Variants in PDE8B observed in about 807,000 individuals in gnomAD.
The protein encoded by PDE8B is phosphodiesterase 8B, also known as high affinity cAMP-specific and IBMX-insensitive 3',5'-cyclic phosphodiesterase 8B.
Under a neutral mutation model 101.3 loss-of-function variants are expected in PDE8B, and 26 were observed. That is an observed-to-expected ratio of 0.26 (90% CI 0.19 to 0.36). The LOEUF (loss-of-function observed/expected upper bound fraction) is 0.36. PDE8B is among the 10% of genes least tolerant of loss of function. PDE8B has a pLI of 1.00. For missense variants in PDE8B, 810 were observed against 1,163.1 expected (o/e 0.70, Z 4.42); for synonymous variants, 424 against 429.3 (o/e 0.99, Z 0.15).
chr5:77,307,847 G>C (rs964617956), intron 1 of PDE8B, among the ~76,000 whole-genome samples: 1 of 152,084 alleles, frequency 6.6e-6, no homozygotes, highest in Admixed American at 6.5e-5. Context: ...TTGGAATTAT[G>C]TTACCTATGC....
the PDE8B span, among the ~76,000 whole-genome samples, chr5:77,143,288 G>A: frequency 6.6e-6 from 1 of 152,152 alleles, no homozygotes; most frequent in Admixed American, 6.5e-5. Context: ...ACTGGCTCTT[G>A]TTTGCTAGGC....
the PDE8B span, among the ~76,000 whole-genome samples, chr5:77,178,849 G>T: frequency 1.3e-5 from 2 of 152,140 alleles, no homozygotes; most frequent in Non-Finnish European, 2.9e-5. Flanking sequence ...TTGTTGGACC[G>T]AGGGCCCTTG....
At chr5:77,366,477 C>G (rs143499645) in intron 10 of PDE8B, among the ~76,000 whole-genome samples, 1 of 152,162 alleles carries the variant, frequency 6.6e-6, no homozygotes, top group African/African-American at 2.4e-5. Flanking sequence ...GCCCTGGGGT[C>G]GGTCAGCTGT....
chr5:77,128,299 A>G, the PDE8B span, among the ~76,000 whole-genome samples: 5 of 152,212 alleles, frequency 3.3e-5, no homozygotes, highest in Admixed American at 2.6e-4. Context: ...CTTCTCTTAC[A>G]GTGACCGTCC....
intron 2 of PDE8B, among the ~76,000 whole-genome samples, chr5:77,315,049 T>A (rs1773508488): frequency 6.6e-6 from 1 of 152,172 alleles, no homozygotes; most frequent in South Asian, 2.1e-4. Flanking sequence ...TTGAGTTGTA[T>A]GAGTTCTTTA....
rs112882443 is a variant in PDE8B at position 77,252,997 on chromosome 5, A to G, written c.339+41733A>G. Among the ~76,000 whole-genome samples, 1,045 of 152,282 alleles carry G rather than the reference A, an allele frequency of 6.9e-3. 4 individuals are homozygous for G. Among genetic ancestry groups the G allele is most frequent in the Non-Finnish European group, 0.011 (721 of 68,016 alleles). On this transcript the variant is annotated intron_variant, in intron 1 of 21. Coordinates refer to ENST00000264917, the MANE Select transcript of PDE8B (RefSeq NM_003719.5). ...ATTGTACTTTCAGAGGGCAAATATC[A>G]TTTAAGTGATAGAACTGATTTTTCC...
chr5:77,341,249 A>G (rs901842028), intron 6 of PDE8B, among the ~76,000 whole-genome samples: 2 of 152,074 alleles, frequency 1.3e-5, no homozygotes, highest in African/African-American at 2.4e-5. Flanking sequence ...GTGGTCTGGT[A>G]GTGTTTGTTG....
At chr5:77,339,423 A>G (rs1778799360) in intron 6 of PDE8B, among the ~76,000 whole-genome samples, 1 of 152,150 alleles carries the variant, frequency 6.6e-6, no homozygotes, top group Non-Finnish European at 1.5e-5. Flanking sequence ...CCTCAACCTT[A>G]TTCAAGTTAT....
At chr5:77,312,112 T>C (rs1772797638) in intron 2 of PDE8B, 59 bp downstream of exon 2, 10 of 1,331,564 alleles carry the variant, frequency 7.5e-6, no homozygotes, top group Non-Finnish European at 1.1e-5. Context: ...TTTCTTTTTT[T>C]TTTTTTTTTG....
chr5:77,357,610 C>T lies in PDE8B; in HGVS notation c.1167+4204C>T, dbSNP rs143974874. Among the ~76,000 whole-genome samples the T allele has an allele frequency of 1.3e-3, 198 of 152,240 alleles. 1 individual carries two copies. Among genetic ancestry groups the T allele is most frequent in the African/African-American group, 4.5e-3 (187 of 41,532 alleles). ...TCATGGGCCTTGTCTGAGATGTGTG[C>T]GGTCTGAGTGTGACCAACAGGCTGC... On this transcript the variant is annotated intron_variant, in intron 10 of 21. Transcript: ENST00000264917.
chr5:77,355,671 C>T (rs952174634), intron 10 of PDE8B, among the ~76,000 whole-genome samples: 1 of 152,242 alleles, frequency 6.6e-6, no homozygotes, highest in Admixed American at 6.5e-5. Flanking sequence ...TCTGCACACA[C>T]ACTTTCTCCC....
At chr5:77,254,861 T>A (rs1758784154) in intron 1 of PDE8B, among the ~76,000 whole-genome samples, 1 of 152,248 alleles carries the variant, frequency 6.6e-6, no homozygotes, top group African/African-American at 2.4e-5. Context: ...CATTTGTGTA[T>A]GCTCTCTGTA....
intron 1 of PDE8B, among the ~76,000 whole-genome samples, chr5:77,236,608 C>T (rs1028316132): frequency 2.0e-5 from 3 of 152,158 alleles, no homozygotes; most frequent in African/African-American, 7.2e-5. Flanking sequence ...GATTTAGCAA[C>T]ATGGAGGTCA....
intron 1 of PDE8B, among the ~76,000 whole-genome samples, chr5:77,259,947 A>C (rs919875550): frequency 3.3e-5 from 5 of 152,168 alleles, no homozygotes; most frequent in Non-Finnish European, 4.4e-5. Context: ...GGATCATCTG[A>C]GGTCAGGAGA....
the PDE8B span, chr5:77,088,003 G>A: frequency 6.6e-6 from 1 of 152,280 alleles, no homozygotes; most frequent in Non-Finnish European, 1.5e-5. Flanking sequence ...AAAACTTGCT[G>A]TCAGTGGGTG....
chr5:77,276,643 G>A (rs1166666501), intron 1 of PDE8B, among the ~76,000 whole-genome samples: 1 of 152,194 alleles, frequency 6.6e-6, no homozygotes. Flanking sequence ...AACTCACAGT[G>A]CTGGACTCAG....
At chr5:77,114,895 A>G in the PDE8B span, 1 of 152,350 alleles carries the variant, frequency 6.6e-6, no homozygotes, top group East Asian at 1.9e-4. Flanking sequence ...TTCCCAAGAG[A>G]TAACCTGAAT....
At chr5:77,217,287 T>C (rs1048190141) in intron 1 of PDE8B, among the ~76,000 whole-genome samples, 3 of 152,028 alleles carry the variant, frequency 2.0e-5, no homozygotes, top group Admixed American at 2.0e-4. Flanking sequence ...GACCCTGTCT[T>C]ATCAGTTTAT....
intron 10 of PDE8B, among the ~76,000 whole-genome samples, chr5:77,387,540 G>A (rs1379847074): frequency 6.6e-6 from 1 of 152,052 alleles, no homozygotes; most frequent in African/African-American, 2.4e-5. Flanking sequence ...CCAATTACAT[G>A]TCTTGGGGTG....
Sources: allele counts gnomAD v4.1 joint callset (sites outside exome capture counted in the v4.1 genomes callset), GRCh38; gene constraint gnomAD v4.1.1; transcripts MANE v1.5; gene names NCBI Gene and HGNC (gene_info 2026-07-23, HGNC 2026-07-21).